BMP2K: variants seen among roughly 807,000 people sequenced by gnomAD.
BMP2K encodes BMP2 inducible kinase, also known as BMP-2-inducible protein kinase.
A neutral mutation model predicts 116.0 loss-of-function variants in BMP2K; 74 were observed. That is an observed-to-expected ratio of 0.64 (90% CI 0.53 to 0.77). The LOEUF (loss-of-function observed/expected upper bound fraction) is 0.77. BMP2K is among the 30% of genes least tolerant of loss of function. The probability of loss-of-function intolerance (pLI) is 0.00; values close to 1 mark genes in which losing one functional copy is unlikely to be tolerated. For missense variants in BMP2K, 1,365 were observed against 1,403.6 expected, an observed-to-expected ratio of 0.97 and a Z score of 0.44; for synonymous variants, 486 against 502.5, an observed-to-expected ratio of 0.97 and a Z score of 0.44.
At chr4:78,792,191 C>A (rs111635635) in intron 1 of BMP2K, among the ~76,000 whole-genome samples, 2 of 152,120 alleles carry the variant, frequency 1.3e-5, no homozygotes, top group African/African-American at 4.8e-5. Context: ...AAGAAAATCA[C>A]AATATTGTTA....
rs1038960467 is a variant in BMP2K, at chr4:78,915,512, T to C, written c.*3479T>C. 8 of 151,920 alleles carry C rather than the reference T, an allele frequency of 5.3e-5. No homozygotes were observed. Among genetic ancestry groups the C allele is most frequent in the Non-Finnish European group, 1.0e-4 (7 of 67,878 alleles). 9.4% of individuals were successfully genotyped at this position (151,920 alleles called of 1,614,324 possible). ...AAACTTGTTATTTTAGGTCCAATTATTGAGTTGACAGTCTACTGTGAGAAT... is the reference window on the plus strand; with the variant it reads ...AAACTTGTTATTTTAGGTCCAATTACTGAGTTGACAGTCTACTGTGAGAAT... On this transcript the variant is annotated 3_prime_UTR_variant, in exon 16 of 16. Coordinates refer to ENST00000502613, the MANE Select transcript of BMP2K (RefSeq NM_198892.2).
At chr4:78,798,834 A>G (rs1728425378) in intron 1 of BMP2K, among the ~76,000 whole-genome samples, 1 of 152,226 alleles carries the variant, frequency 6.6e-6, no homozygotes, top group Admixed American at 6.5e-5. Flanking sequence ...GTGCTGAATG[A>G]GAGAATACAA....
At chr4:78,836,183 T>C (rs561599679) in intron 3 of BMP2K, among the ~76,000 whole-genome samples, 2 of 152,186 alleles carry the variant, frequency 1.3e-5, no homozygotes, top group African/African-American at 4.8e-5. Context: ...TTTGGGAGGC[T>C]GAGGCGGGCG....
At chr4:78,789,886 T>C (rs868689133) in intron 1 of BMP2K, among the ~76,000 whole-genome samples, 11 of 152,230 alleles carry the variant, frequency 7.2e-5, no homozygotes, top group African/African-American at 2.7e-4. Flanking sequence ...GCTAAGTTCT[T>C]ATCCTCTGCT....
At chr4:78,834,503 C>T (rs945486600) in intron 3 of BMP2K, among the ~76,000 whole-genome samples, 9 of 152,016 alleles carry the variant, frequency 5.9e-5, no homozygotes, top group African/African-American at 2.2e-4. Context: ...CCTCGTGATC[C>T]GCCCGCCTCA....
intron 2 of BMP2K, 79 bp downstream of exon 2, chr4:78,826,234 G>C: frequency 9.1e-7 from 1 of 1,102,332 alleles, no homozygotes; most frequent in Non-Finnish European, 1.4e-6. Context: ...GTGCAGTGGA[G>C]TGGCACGCCC....
Position 78,910,684 on chromosome 4 carries a change from A to T in BMP2K, c.2137A>T (p.Lys713Ter). 1 of 1,608,830 alleles carries T rather than the reference A, an allele frequency of 6.2e-7. No individual in the cohort carries two copies. Among genetic ancestry groups the T allele is most frequent in the Non-Finnish European group, 8.5e-7 (1 of 1,178,398 alleles). ...CACTGCAAACCCTATCAAGAACGGTAAAACAAGTCCAGCATCTAAAGATCA... is the reference window on the plus strand; with the variant it reads ...CACTGCAAACCCTATCAAGAACGGTTAAACAAGTCCAGCATCTAAAGATCA... ...NGTANPIKNG[K>*]TSPASKDQRT... The change falls in exon 16 of 16, where the codon AAA (lysine) becomes TAA (stop). Residue 713 changes from lysine (K) to a stop codon, truncating the protein, a stop_gained. Transcript: ENST00000502613. LOFTEE classifies it low-confidence loss of function (END_TRUNC).
In BMP2K at chr4:78,776,598, G is replaced by A; in HGVS notation, c.55G>A (p.Ala19Thr). 8.5e-7 allele frequency: 1 copy of A among 1,182,726 alleles called. No homozygotes were observed. Among genetic ancestry groups the A allele is most frequent in the Non-Finnish European group, 1.0e-6 (1 of 952,780 alleles). 73.3% of individuals were successfully genotyped at this position (1,182,726 alleles called of 1,614,324 possible). The stretch of plus-strand genomic sequence containing the variant: ...GGAGGGCGGCAGCGGCGGCGGAGCG[G>A]CGGGTGGCGGGGCTGGCGGGGCCGG... ...KSEGGSGGGA[A>T]GGGAGGAGAG... The change falls in exon 1 of 16, where the codon GCG becomes ACG. Residue 19 changes from alanine (A) to threonine (T), a missense_variant. By Grantham distance (58) the Ala-to-Thr change is moderately conservative. Around this residue, in one of 3 missense-constraint regions of BMP2K, gnomAD observed 762 missense variants for 756.7 expected, o/e 1.01. Transcript: ENST00000502613.
intron 3 of BMP2K, among the ~76,000 whole-genome samples, chr4:78,838,473 G>A (rs1286019515): frequency 6.6e-6 from 1 of 152,158 alleles, no homozygotes; most frequent in African/African-American, 2.4e-5. Context: ...AATGGAGTAT[G>A]CTCAATTTTC....
In BMP2K at chr4:78,878,838, C is replaced by CT. The variant is rs1732763882; in HGVS notation, c.1899dup (p.Lys634Ter). 1 of 1,613,560 alleles carries CT rather than the reference C, an allele frequency of 6.2e-7. No individual in the cohort carries two copies. Among genetic ancestry groups the CT allele is most frequent in the Non-Finnish European group, 8.5e-7 (1 of 1,179,784 alleles). ...AATCCTTTTGGAGAGGATAATTTCT[C>CT]TAAGTTAACAGAAGAGGAACTATTG... On this transcript the variant is annotated frameshift_variant, in exon 14 of 16. Coordinates refer to ENST00000502613, the MANE Select transcript of BMP2K (RefSeq NM_198892.2). LOFTEE classifies it high-confidence loss of function.
Position 78,871,855 on chromosome 4 carries a change from A to C in BMP2K, c.1515A>C (p.Gln505His), listed in dbSNP as rs1005984636. 6.2e-7 allele frequency: 1 copy of C among 1,609,790 alleles called. No homozygotes were observed. Among genetic ancestry groups the C allele is most frequent in the Non-Finnish European group, 8.5e-7 (1 of 1,177,750 alleles). Residue 505 changes from glutamine to histidine, a missense_variant, in exon 12 of 16, where the codon CAA becomes CAC. Transcript: ENST00000502613. Reference sequence around the variant, plus strand: ...ATTTGATTTTCTCGTTGTAGTATCAACATGCAACACAGCAGCAACAGATGC... The same window carrying C: ...ATTTGATTTTCTCGTTGTAGTATCACCATGCAACACAGCAGCAACAGATGC... ...LLQDAYMQQY[Q>H]HATQQQQMLQ...
intron 9 of BMP2K, among the ~76,000 whole-genome samples, chr4:78,865,202 C>G (rs1258696095): frequency 6.6e-6 from 1 of 152,078 alleles, no homozygotes; most frequent in African/African-American, 2.4e-5. Context: ...CTGACAAGTT[C>G]AGAGAGTGGC....
intron 6 of BMP2K, among the ~76,000 whole-genome samples, chr4:78,848,903 TAGCTC>T (rs111440291): frequency 0.082 from 12,339 of 151,220 alleles, 1,637 homozygotes; most frequent in African/African-American, 0.28. Context: ...CTGTCTTACT[TAGCTC>T]AGGTGAAACA....
At chr4:78,813,067 C>T (rs1379236642) in intron 1 of BMP2K, among the ~76,000 whole-genome samples, 1 of 151,056 alleles carries the variant, frequency 6.6e-6, no homozygotes, top group Non-Finnish European at 1.5e-5. Context: ...AAAAGATATG[C>T]AGAAACACAT....
intron 14 of BMP2K, among the ~76,000 whole-genome samples, chr4:78,882,956 A>G (rs1394250978): frequency 1.3e-5 from 2 of 152,052 alleles, no homozygotes; most frequent in South Asian, 2.1e-4. Context: ...AATATATTAG[A>G]CCAGTTTCAG....
In BMP2K at chr4:78,865,548, C is replaced by T. The variant is rs771803515; in HGVS notation, c.1068-9C>T. 91 of 1,612,610 alleles carry T rather than the reference C, an allele frequency of 5.6e-5. No individual in the cohort carries two copies. Among genetic ancestry groups the T allele is most frequent in the Non-Finnish European group, 7.5e-5 (89 of 1,178,912 alleles). On this transcript the variant is annotated splice_polypyrimidine_tract_variant and intron_variant, in intron 9 of 15. Coordinates refer to ENST00000502613, the MANE Select transcript of BMP2K (RefSeq NM_198892.2). ...AGTATTTAGAATGAAATATATTCTT[C>T]TGTTGTAGAATAACAGATACCATTG... is the stretch of plus-strand genomic sequence containing the variant.
chr4:78,899,840 G>GA (rs1245535323), intron 15 of BMP2K, among the ~76,000 whole-genome samples: 1 of 152,086 alleles, frequency 6.6e-6, no homozygotes, highest in African/African-American at 2.4e-5. Context: ...TGAAGAAGTT[G>GA]AGATATTAGC....
chr4:78,807,897 G>GT lies in BMP2K; in HGVS notation c.179-18134dup, dbSNP rs545568253. Among the ~76,000 whole-genome samples the GT allele has an allele frequency of 8.2e-4, 125 of 151,928 alleles. 3 individuals carry two copies. In the South Asian group the frequency reaches 0.011, roughly 13 times the overall value. On this transcript the variant is annotated intron_variant, in intron 1 of 15. Transcript: ENST00000502613. ...CTGATTATATTAATTTGTTTTTCTAGTTTTTTCTTGGCCAGTTTAGCTAAT... is the reference window on the plus strand; with the variant it reads ...CTGATTATATTAATTTGTTTTTCTAGTTTTTTTCTTGGCCAGTTTAGCTAAT...
intron 2 of BMP2K, among the ~76,000 whole-genome samples, chr4:78,826,894 A>G (rs1729900052): frequency 6.6e-6 from 1 of 152,168 alleles, no homozygotes; most frequent in South Asian, 2.1e-4. Context: ...AACCCTACAA[A>G]TACTGCTGGA....
Sources: gnomAD v4.1 joint callset for allele counts (sites outside exome capture counted in the v4.1 genomes callset) on GRCh38, gnomAD v4.1.1 for gene constraint, gnomAD v4.1.1 regional missense constraint, MANE v1.5 for transcripts, NCBI Gene and HGNC (gene_info 2026-07-23, HGNC 2026-07-21) for gene names.